The following MREG variants were observed in gnomAD, a reference collection of about 807,000 sequenced individuals.
MREG encodes dilute suppressor protein homolog.
In MREG, 31 loss-of-function variants were observed where a neutral mutation model predicts 28.5. The observed-to-expected ratio is 1.09, with a 90% CI of 0.82 to 1.47. MREG has a LOEUF of 1.47. MREG is among the 40% of genes most tolerant of loss of function. The pLI, the probability that MREG is intolerant of heterozygous loss-of-function variation, is 0.00. For synonymous variants in MREG, 106 were observed against 95.2 expected (o/e 1.11, Z -0.66); for missense variants, 256 against 257.4 (o/e 0.99, Z 0.04).
chr2:215,961,405 A>G (rs1692784801), intron 2 of MREG, among the ~76,000 whole-genome samples: 1 of 152,064 alleles, frequency 6.6e-6, no homozygotes, highest in African/African-American at 2.4e-5. Context: ...TCTAGGTATC[A>G]GATTCACATG....
At chr2:216,007,795 CT>C (rs1329768511) in intron 1 of MREG, among the ~76,000 whole-genome samples, 2 of 151,108 alleles carry the variant, frequency 1.3e-5, no homozygotes, top group Non-Finnish European at 2.9e-5. Context: ...TTTAGAATAT[CT>C]CCCAAAGTGT....
Position 215,943,430 on chromosome 2 carries a change from T to C in MREG, c.*1433A>G, listed in dbSNP as rs1692231925. 6.6e-6 allele frequency: 3 copies of C among 456,646 alleles called. No individual in the cohort carries two copies. 28.3% of individuals were successfully genotyped at this position (456,646 alleles called of 1,614,324 possible). A position where few individuals can be genotyped will look rare whatever the true frequency, so the allele number is the denominator to read the frequency against. ...AATACTCCCTGCATATGTGCAAGTC[T>C]GCATGAGAGGTCCCCCCACAGGTGC... is the stretch of plus-strand genomic sequence containing the variant. On this transcript the variant is annotated 3_prime_UTR_variant, in exon 5 of 5. Transcript: ENST00000263268.
At chr2:215,961,383 T>A (rs1692783626) in intron 2 of MREG, among the ~76,000 whole-genome samples, 1 of 151,978 alleles carries the variant, frequency 6.6e-6, no homozygotes, top group African/African-American at 2.4e-5. Flanking sequence ...TTCAGTGAGA[T>A]GAGAACTAGC....
rs1694094167 is a variant in MREG at position 216,004,271 on chromosome 2, C to T, written c.96-7806G>A. On this transcript the variant is annotated intron_variant, in intron 1 of 4. Coordinates refer to ENST00000263268, the MANE Select transcript of MREG (RefSeq NM_018000.3). ...ATTTAAAATTGCAAACATGCTCCCT[C>T]CCTTGCTCTACTTTTGTTTCCTACA... Among the ~76,000 whole-genome samples the T allele has an allele frequency of 1.3e-5, 2 of 152,326 alleles. 1 individual carries two copies. The highest frequency in any genetic ancestry group is 4.1e-4 in the South Asian group (2 of 4,830).
intron 1 of MREG, among the ~76,000 whole-genome samples, chr2:215,996,738 G>T (rs1021934090): frequency 1.3e-5 from 2 of 151,568 alleles, no homozygotes; most frequent in African/African-American, 2.4e-5. Flanking sequence ...ATTCAGCACT[G>T]AGTACCCCAG....
intron 2 of MREG, among the ~76,000 whole-genome samples, chr2:215,989,960 G>A (rs549205182): frequency 6.4e-4 from 97 of 152,196 alleles, no homozygotes; most frequent in African/African-American, 2.2e-3. Flanking sequence ...GAACCAAGTT[G>A]GAAAACACTC....
upstream of MREG, among the ~76,000 whole-genome samples, chr2:216,014,896 T>G (rs1252137930): frequency 6.6e-6 from 1 of 152,180 alleles, no homozygotes; most frequent in African/African-American, 2.4e-5. Flanking sequence ...TCAACAAATA[T>G]TTATGGAGCA....
intron 2 of MREG, among the ~76,000 whole-genome samples, chr2:215,981,719 G>T (rs1693432766): frequency 6.6e-6 from 1 of 152,060 alleles, no homozygotes. Flanking sequence ...TATATTTTTG[G>T]CCTGGAATAC....
chr2:216,010,354 CTTTTT>C (rs1164326774), intron 1 of MREG, among the ~76,000 whole-genome samples: 1 of 94,370 alleles, frequency 1.1e-5, no homozygotes, highest in African/African-American at 4.2e-5. Flanking sequence ...AAAGATTTCT[CTTTTT>C]TTTTTTTTTT....
At chr2:215,950,591 T>C (rs1196591565) in intron 2 of MREG, among the ~76,000 whole-genome samples, 3 of 152,240 alleles carry the variant, frequency 2.0e-5, no homozygotes, top group Non-Finnish European at 4.4e-5. Context: ...GATGTCATAC[T>C]TCCATATTAT....
chr2:216,006,182 G>A (rs1286432900), intron 1 of MREG, among the ~76,000 whole-genome samples: 33 of 152,154 alleles, frequency 2.2e-4, no homozygotes, highest in Admixed American at 1.5e-3. Context: ...TCATCTTCTC[G>A]GGAACTTCCA....
At chr2:215,985,108 G>T (rs1448484671) in intron 2 of MREG, among the ~76,000 whole-genome samples, 1 of 152,170 alleles carries the variant, frequency 6.6e-6, no homozygotes, top group African/African-American at 2.4e-5. Context: ...GTGAGTTGTT[G>T]TTAAAGAGGA....
chr2:215,976,483 C>T (rs959427465), intron 2 of MREG, among the ~76,000 whole-genome samples: 1 of 152,184 alleles, frequency 6.6e-6, no homozygotes, highest in Non-Finnish European at 1.5e-5. Context: ...CACCATCTAC[C>T]ACCATCAAAG....
rs186846864 is a variant in MREG at position 215,947,239 on chromosome 2, A to G, written c.256-126T>C. 551 of 628,504 alleles carry G rather than the reference A, an allele frequency of 8.8e-4. 5 individuals are homozygous for G. In the African/African-American group the frequency reaches 9.2e-3, roughly 10 times the overall value. 38.9% of individuals were successfully genotyped at this position (628,504 alleles called of 1,614,324 possible). A position where few individuals can be genotyped will look rare whatever the true frequency, so the allele number is the denominator to read the frequency against. On this transcript the variant is annotated intron_variant, in intron 2 of 4. Transcript: ENST00000263268. ...TATTAATCTTCAAAGCAAGCCTAAA[A>G]GAAGAGAAGGAGATGGATGAGATAA... is the stretch of plus-strand genomic sequence containing the variant.
At chr2:215,983,147 T>G (rs540378230) in intron 2 of MREG, among the ~76,000 whole-genome samples, 1 of 152,324 alleles carries the variant, frequency 6.6e-6, no homozygotes, top group South Asian at 2.1e-4. Context: ...TCGCTTCCCT[T>G]TTCCAGTTAT....
At chr2:215,999,993 A>C (rs1693973282) in intron 1 of MREG, among the ~76,000 whole-genome samples, 1 of 152,222 alleles carries the variant, frequency 6.6e-6, no homozygotes, top group Non-Finnish European at 1.5e-5. Flanking sequence ...CAAGAAAGAG[A>C]GATCAGGCAG....
intron 2 of MREG, among the ~76,000 whole-genome samples, chr2:215,981,744 C>A (rs1214137194): frequency 1.3e-5 from 2 of 152,058 alleles, no homozygotes; most frequent in Non-Finnish European, 2.9e-5. Flanking sequence ...TATTAGCAGC[C>A]CCTCTCCTCT....
intron 2 of MREG, among the ~76,000 whole-genome samples, chr2:215,961,360 T>C (rs111458794): frequency 2.2e-3 from 75 of 34,842 alleles, no homozygotes; most frequent in Non-Finnish European, 4.3e-3. Context: ...CCATGCCTCA[T>C]TAGACCTACC....
chr2:215,965,666 CTTTG>C (rs1457130285), intron 2 of MREG, among the ~76,000 whole-genome samples: 1 of 152,158 alleles, frequency 6.6e-6, no homozygotes. Context: ...TTTGCTCTTC[CTTTG>C]TTTGCAAGCT....
Sources: gnomAD v4.1 joint callset for allele counts (sites outside exome capture counted in the v4.1 genomes callset) on GRCh38, gnomAD v4.1.1 for gene constraint, MANE v1.5 for transcripts, NCBI Gene and HGNC (gene_info 2026-07-23, HGNC 2026-07-21) for gene names.